The following DNAH10 variants were observed in gnomAD, a reference collection of about 807,000 sequenced individuals.
DNAH10 encodes the protein dynein axonemal heavy chain 10.
A neutral mutation model predicts 506.6 loss-of-function variants in DNAH10; 348 were observed. That is an observed-to-expected ratio of 0.69 (90% CI 0.63 to 0.75). The LOEUF (loss-of-function observed/expected upper bound fraction) is 0.75. Ranked by LOEUF, DNAH10 falls within the 30% of genes least tolerant of loss-of-function variation. DNAH10 has a pLI of 0.00. For synonymous variants in DNAH10, 2,059 were observed against 2,198.6 expected (o/e 0.94, Z 1.78); for missense variants, 5,179 against 5,787.1 (o/e 0.89, Z 3.41).
chr12:123,788,702 A>G (rs185929326), intron 10 of DNAH10, among the ~76,000 whole-genome samples: 94 of 151,656 alleles, frequency 6.2e-4, no homozygotes, highest in South Asian at 5.8e-3. Context: ...CTGGGGTGGG[A>G]GGATCCCTTG....
At chr12:123,906,688 C>G (rs1300595729) in intron 57 of DNAH10, among the ~76,000 whole-genome samples, 1 of 151,126 alleles carries the variant, frequency 6.6e-6, no homozygotes. Context: ...GATTTTTTTC[C>G]TGGGGTTCTG....
At position 123,787,611 on chromosome 12, in the gene DNAH10, G is replaced by A. The variant is rs944215739; in HGVS notation, c.1422-193G>A. ...GGTTGGCGGCTGCAACGGAAACCTC[G>A]CAGCTTGGGACTCCCGCCCTTGCAC... is the stretch of plus-strand genomic sequence containing the variant. On this transcript the variant is annotated intron_variant, in intron 9 of 78. Transcript: ENST00000673944. This position sits in a 1 kb window ranked among gnomAD's most constrained non-coding sequence, Gnocchi z 4.6. Among the ~76,000 whole-genome samples, 1 of 152,230 alleles carries A rather than the reference G, an allele frequency of 6.6e-6. No homozygotes were observed. The highest frequency in any genetic ancestry group is 2.4e-5 in the African/African-American group (1 of 41,462).
rs1434806923 is a variant in DNAH10, at chr12:123,853,936, A to G, written c.6438+584A>G. ...CACATACGCACACGCACGCACACGC[A>G]CACGCACACACACACACATTTGGGT... is the stretch of plus-strand genomic sequence containing the variant. On this transcript the variant is annotated intron_variant, in intron 36 of 78. Transcript: ENST00000673944. The surrounding 1 kb of genome is among the most constrained non-coding windows in gnomAD (Gnocchi z 4.7). Among the ~76,000 whole-genome samples the G allele has an allele frequency of 6.6e-6, 1 of 151,438 alleles. No individual in the cohort carries two copies. Among genetic ancestry groups the G allele is most frequent in the Non-Finnish European group, 1.5e-5 (1 of 67,890 alleles).
intron 57 of DNAH10, among the ~76,000 whole-genome samples, chr12:123,908,102 C>CCTGTCTCTGTCTCT (rs1953876426): frequency 9.2e-6 from 1 of 108,230 alleles, no homozygotes; most frequent in Admixed American, 8.7e-5. Context: ...TCCCTGTCTC[C>CCTGTCTCTGTCTCT]CTGTCTCCTC....
intron 51 of DNAH10, among the ~76,000 whole-genome samples, chr12:123,885,774 ATT>A (rs1952702224): frequency 6.6e-6 from 1 of 152,186 alleles, no homozygotes; most frequent in South Asian, 2.1e-4. Flanking sequence ...TCATGCTGAT[ATT>A]TGTCAAGATT....
In DNAH10 at chr12:123,881,633, T is replaced by C. The variant is rs922761635; in HGVS notation, c.8643T>C (p.Leu2881=). 2 of 1,523,206 alleles carry C rather than the reference T, an allele frequency of 1.3e-6. No homozygotes were observed. The highest frequency in any genetic ancestry group is 8.8e-7 in the Non-Finnish European group (1 of 1,138,926). 94.4% of individuals were successfully genotyped at this position (1,523,206 alleles called of 1,614,324 possible). The stretch of plus-strand genomic sequence containing the variant: ...TTTTTTTTTAAATGCAGGAAATTCT[T>C]GAAGAGTATAATGAAAGCAACACCA... ...EAAKALFQEI[L]EEYNESNTKM... is the part of the protein sequence containing the mutation. Residue 2881 remains leucine (L), a synonymous_variant, in exon 51 of 79, where the codon CTT becomes CTC. Coordinates refer to ENST00000673944, the MANE Select transcript of DNAH10 (RefSeq NM_001372106.1).
intron 50 of DNAH10, among the ~76,000 whole-genome samples, chr12:123,881,145 T>C (rs1029987615): frequency 4.3e-4 from 66 of 152,200 alleles, no homozygotes; most frequent in African/African-American, 1.6e-3. Context: ...GCATGATTTG[T>C]AATCCTTTAG....
rs1955051172 is a variant in DNAH10, at chr12:123,928,607, A to G, written c.12306+20A>G. 4 of 1,578,282 alleles carry G rather than the reference A, an allele frequency of 2.5e-6. No individual in the cohort carries two copies. The highest frequency in any genetic ancestry group is 3.4e-6 in the Non-Finnish European group (4 of 1,162,214). The stretch of plus-strand genomic sequence containing the variant: ...CTAAAGGTCTGGCTTCAGGATGGAC[A>G]TCAACATGCCAGCACGCAGCTTCTC... On this transcript the variant is annotated intron_variant, in intron 70 of 78. Transcript: ENST00000673944. This position sits in a 1 kb window ranked among gnomAD's most constrained non-coding sequence, Gnocchi z 4.9.
chr12:123,768,793 G>C lies in DNAH10; in HGVS notation c.298+1104G>C, dbSNP rs190791512. Among the ~76,000 whole-genome samples, 3 of 152,342 alleles carry C rather than the reference G, an allele frequency of 2.0e-5. No homozygotes were observed. The East Asian group carries it at 5.8e-4, about 29-fold the overall frequency. On this transcript the variant is annotated intron_variant, in intron 2 of 78. Coordinates refer to ENST00000673944, the MANE Select transcript of DNAH10 (RefSeq NM_001372106.1). ...GGACCTCACTCTGTTGCCCAGGCTG[G>C]AGTGGTGCTGTCATAGCTCACTTTA...
chr12:123,769,743 G>A (rs1456459171), intron 2 of DNAH10, among the ~76,000 whole-genome samples: 1 of 151,762 alleles, frequency 6.6e-6, no homozygotes, highest in Non-Finnish European at 1.5e-5. Context: ...GTGGCATTAA[G>A]TACATTCATA....
rs370271124 is a variant in DNAH10, at chr12:123,827,843, G to A, written c.4391+945G>A. ...CAGGCAGCCCTCAGGCCCTGGTGACGTGGAGTCTTAGCCCTCTTTTCACTG... is the reference window on the plus strand; with the variant it reads ...CAGGCAGCCCTCAGGCCCTGGTGACATGGAGTCTTAGCCCTCTTTTCACTG... On this transcript the variant is annotated intron_variant, in intron 25 of 78. Transcript: ENST00000673944. Among the ~76,000 whole-genome samples, 96 of 152,280 alleles carry A rather than the reference G, an allele frequency of 6.3e-4. 4 individuals are homozygous for A. The South Asian group carries it at 0.011, about 17-fold the overall frequency.
At chr12:123,838,233 A>G (rs1565972131) in intron 28 of DNAH10, among the ~76,000 whole-genome samples, 1 of 152,236 alleles carries the variant, frequency 6.6e-6, no homozygotes, top group Non-Finnish European at 1.5e-5. Flanking sequence ...ACGAAAAGAA[A>G]AACCAGAAAC....
intron 65 of DNAH10, among the ~76,000 whole-genome samples, chr12:123,922,139 C>G (rs1183919058): frequency 6.6e-6 from 1 of 152,026 alleles, no homozygotes; most frequent in Admixed American, 6.5e-5. Flanking sequence ...CTTTGGGCCG[C>G]CAGGGCGGGC....
Position 123,850,809 on chromosome 12 carries a change from C to T in DNAH10, c.6103-79C>T, listed in dbSNP as rs1053839774. On this transcript the variant is annotated intron_variant, in intron 34 of 78. Transcript: ENST00000673944. The surrounding 1 kb of genome is among the most constrained non-coding windows in gnomAD (Gnocchi z 5.5). ...CATGAAAATGAATCGCCACGCAGCT[C>T]GCCGCAGGCCCCCTTTCCAAGGGGC... 8.4e-6 allele frequency: 12 copies of T among 1,426,220 alleles called. No homozygotes were observed. The highest frequency in any genetic ancestry group is 4.7e-5 in the East Asian group (2 of 42,564). 88.3% of individuals were successfully genotyped at this position (1,426,220 alleles called of 1,614,324 possible).
chr12:123,840,924 T>G (rs1206953007), intron 29 of DNAH10, among the ~76,000 whole-genome samples: 1 of 152,144 alleles, frequency 6.6e-6, no homozygotes, highest in Non-Finnish European at 1.5e-5. Flanking sequence ...AACTCACCCA[T>G]AGTTGCGCAA....
chr12:123,774,402 T>G (rs1477042392), intron 5 of DNAH10, 138 bp downstream of exon 5: 1 of 595,218 alleles, frequency 1.7e-6, no homozygotes, highest in Non-Finnish European at 2.9e-6. Context: ...ACCAGCTCGG[T>G]TGGGGAGACC....
Position 123,767,684 on chromosome 12 carries a change from T to G in DNAH10, c.293T>G (p.Val98Gly), listed in dbSNP as rs886896587. 6 of 1,610,590 alleles carry G rather than the reference T, an allele frequency of 3.7e-6. No individual in the cohort carries two copies. The African/African-American group carries it at 8.0e-5, about 22-fold the overall frequency. Reference sequence around the variant, plus strand: ...CAAAAAGTGGAGTCCGTGGATAAAGTGCGAGGTGTGGAGTTGGGAGGGGTC... The same window carrying G: ...CAAAAAGTGGAGTCCGTGGATAAAGGGCGAGGTGTGGAGTTGGGAGGGGTC... Reference protein sequence around the residue: ...YSQKVESVDKVRAKRVSLRTE... With the variant: ...YSQKVESVDKGRAKRVSLRTE... The change falls in exon 2 of 79, where the codon GTG becomes GGG. Residue 98 changes from valine (V) to glycine (G), a missense_variant. Val to Gly is a moderately radical substitution (Grantham distance 109). Around this residue, in one of 3 missense-constraint regions of DNAH10, gnomAD observed 326 missense variants for 330.8 expected, o/e 0.99. Coordinates refer to ENST00000673944, the MANE Select transcript of DNAH10 (RefSeq NM_001372106.1).
chr12:123,837,733 C>T (rs544146144), intron 28 of DNAH10, among the ~76,000 whole-genome samples: 2 of 149,624 alleles, frequency 1.3e-5, no homozygotes, highest in African/African-American at 2.5e-5. Context: ...CACCACCACA[C>T]CCGGCTAACT....
At chr12:123,924,536 A>G in intron 67 of DNAH10, 104 bp downstream of exon 67, 4 of 1,422,232 alleles carry the variant, frequency 2.8e-6, no homozygotes, top group Non-Finnish European at 3.8e-6. Flanking sequence ...CCTTTGAGTA[A>G]CCCATTCAGT....
Sources: gnomAD v4.1 joint callset for allele counts (sites outside exome capture counted in the v4.1 genomes callset) on GRCh38, gnomAD v4.1.1 for gene constraint, gnomAD v4.1.1 regional missense constraint, Gnocchi (gnomAD v3.1) non-coding constraint, MANE v1.5 for transcripts, NCBI Gene and HGNC (gene_info 2026-07-23, HGNC 2026-07-21) for gene names.